SERPINE3: variants seen among roughly 807,000 people sequenced by gnomAD.
The protein encoded by SERPINE3 is serpin E3.
In SERPINE3, 43 loss-of-function variants were observed where a neutral mutation model predicts 41.7. That is an observed-to-expected ratio of 1.03 (90% CI 0.81 to 1.33). The LOEUF is 1.33. SERPINE3 is among the 40% of genes most tolerant of loss of function. The pLI, the probability that SERPINE3 is intolerant of heterozygous loss-of-function variation, is 0.00. For synonymous variants in SERPINE3, 200 were observed against 192.2 expected (o/e 1.04, Z -0.34); for missense variants, 440 against 491.7 (o/e 0.89, Z 0.99).
intron 3 of SERPINE3, 125 bp from the exon 4 acceptor site, chr13:51,344,127 A>G: frequency 2.8e-6 from 2 of 705,122 alleles, no homozygotes; most frequent in Non-Finnish European, 2.5e-6. Flanking sequence ...TTTGTATGGT[A>G]GATGAACCTT....
intron 5 of SERPINE3, among the ~76,000 whole-genome samples, chr13:51,347,625 TCAG>T (rs1211292770): frequency 1.3e-5 from 2 of 152,312 alleles, no homozygotes; most frequent in East Asian, 3.9e-4. Flanking sequence ...TTTTGAGGTT[TCAG>T]TTATCCGCAT....
At chr13:51,354,882 A>G (rs1477062508) in intron 6 of SERPINE3, among the ~76,000 whole-genome samples, 161 bp from the exon 7 acceptor site, 1 of 152,190 alleles carries the variant, frequency 6.6e-6, no homozygotes, top group African/African-American at 2.4e-5. Flanking sequence ...CTGTGTGGTC[A>G]GATTAGGGCT....
intron 9 of SERPINE3, chr13:51,363,153 G>T (rs979684914): frequency 1.3e-5 from 2 of 151,900 alleles, no homozygotes; most frequent in Admixed American, 1.3e-4. Context: ...AGGTAAAAGA[G>T]AGATTCTGAT....
chr13:51,345,008 G>A (rs1955331839), intron 4 of SERPINE3, among the ~76,000 whole-genome samples: 1 of 152,228 alleles, frequency 6.6e-6, no homozygotes, highest in Admixed American at 6.5e-5. Flanking sequence ...AATGAGGTGT[G>A]AATCAGTGTA....
intron 5 of SERPINE3, 70 bp downstream of exon 5, chr13:51,347,304 C>T: frequency 7.6e-7 from 1 of 1,321,442 alleles, no homozygotes. Flanking sequence ...AGAGAGGAGG[C>T]CAGGTCCCTG....
At chr13:51,341,467 TCA>T (rs956665269) in intron 3 of SERPINE3, 120 bp downstream of exon 3, 30 of 971,772 alleles carry the variant, frequency 3.1e-5, no homozygotes, top group Non-Finnish European at 4.1e-5. Context: ...CTGCTCATAC[TCA>T]CACTCACTCT....
chr13:51,360,569 T>C (rs1286396305), intron 7 of SERPINE3, among the ~76,000 whole-genome samples: 1 of 152,116 alleles, frequency 6.6e-6, no homozygotes, highest in Non-Finnish European at 1.5e-5. Flanking sequence ...CTCTAAATTA[T>C]CACTTAGTCC....
chr13:51,363,029 A>G (rs1955612740), intron 9 of SERPINE3: 1 of 151,984 alleles, frequency 6.6e-6, no homozygotes, highest in Non-Finnish European at 1.5e-5. Flanking sequence ...GGACACGTCA[A>G]AAAAATGAAA....
chr13:51,352,464 C>T (rs1197439603), intron 6 of SERPINE3, among the ~76,000 whole-genome samples: 2 of 151,676 alleles, frequency 1.3e-5, no homozygotes, highest in Admixed American at 1.3e-4. Flanking sequence ...TTTATTAGCT[C>T]TGATAGGTTT....
At chr13:51,350,459 A>T (rs1955393561) in intron 6 of SERPINE3, among the ~76,000 whole-genome samples, 1 of 152,176 alleles carries the variant, frequency 6.6e-6, no homozygotes, top group South Asian at 2.1e-4. Flanking sequence ...ACATTTGATT[A>T]TTAGGTCAAC....
chr13:51,364,028 A>AATAT (rs1432083977), intron 9 of SERPINE3: 2 of 337,778 alleles, frequency 5.9e-6, no homozygotes, highest in African/African-American at 4.2e-5. Context: ...CCAGAATCTA[A>AATAT]ATATATATAA....
At chr13:51,355,403 A>G (rs1955466164) in intron 7 of SERPINE3, among the ~76,000 whole-genome samples, 1 of 152,128 alleles carries the variant, frequency 6.6e-6, no homozygotes, top group Admixed American at 6.6e-5. Flanking sequence ...GCACACAGTA[A>G]ACAGACCCTC....
intron 7 of SERPINE3, among the ~76,000 whole-genome samples, chr13:51,359,810 A>G (rs1955535303): frequency 6.6e-6 from 1 of 152,114 alleles, no homozygotes. Flanking sequence ...TAACTTTGGC[A>G]CTGCATTTCA....
chr13:51,345,714 T>C (rs12585171), intron 4 of SERPINE3, among the ~76,000 whole-genome samples: 3,751 of 152,272 alleles, frequency 0.025, 61 homozygotes, highest in South Asian at 0.056. Flanking sequence ...ACATCTTTTG[T>C]GATAAAGTTC....
chr13:51,364,585 C>A lies in SERPINE3; in HGVS notation c.*303C>A, dbSNP rs923600822. On this transcript the variant is annotated 3_prime_UTR_variant, in exon 10 of 10. Transcript: ENST00000681248. ...TAAGATTGCTTCCTCAGTACGGATA[C>A]TCTAGGCCATGTTGAATTGAGGGTG... 8.2e-6 allele frequency: 2 copies of A among 244,276 alleles called. No homozygotes were observed. The highest frequency in any genetic ancestry group is 1.5e-5 in the Non-Finnish European group (2 of 129,116). The allele number at this position is 244,276 out of a possible 1,614,324, so 15.1% of individuals were successfully genotyped here.
At chr13:51,340,283 T>C (rs1475086514) in intron 1 of SERPINE3, among the ~76,000 whole-genome samples, 2 of 152,232 alleles carry the variant, frequency 1.3e-5, no homozygotes, top group Non-Finnish European at 2.9e-5. Flanking sequence ...TTTTTTACTT[T>C]GCCTTTCTCT....
intron 2 of SERPINE3, 90 bp downstream of exon 2, chr13:51,340,951 A>T (rs759863543): frequency 1.9e-5 from 17 of 885,396 alleles, no homozygotes; most frequent in Non-Finnish European, 2.7e-5. Context: ...AGCTCAATGC[A>T]TCTCTCCCTC....
chr13:51,353,935 A>T (rs550039600), intron 6 of SERPINE3: 62 of 152,256 alleles, frequency 4.1e-4, no homozygotes, highest in African/African-American at 1.5e-3. Flanking sequence ...TTCAACAGTA[A>T]ATTTTTAAAT....
chr13:51,341,476 C>A, intron 3 of SERPINE3, 129 bp downstream of exon 3: 1 of 900,574 alleles, frequency 1.1e-6, no homozygotes, highest in Non-Finnish European at 1.7e-6. Flanking sequence ...CTCACACTCA[C>A]TCTCTCCAGC....
Sources: allele counts gnomAD v4.1 joint callset (sites outside exome capture counted in the v4.1 genomes callset), GRCh38; gene constraint gnomAD v4.1.1; transcripts MANE v1.5; gene names NCBI Gene and HGNC (gene_info 2026-07-23, HGNC 2026-07-21).